STK10: variants seen among roughly 807,000 people sequenced by gnomAD.
STK10 encodes serine/threonine-protein kinase 10.
Under a neutral mutation model 113.8 loss-of-function variants are expected in STK10, and 78 were observed. The observed-to-expected ratio is 0.69, with a 90% CI of 0.57 to 0.83. STK10 has a LOEUF of 0.83. Ranked by LOEUF, STK10 falls within the 40% of genes least tolerant of loss-of-function variation. The probability of loss-of-function intolerance (pLI) is 0.00; values close to 1 mark genes in which losing one functional copy is unlikely to be tolerated. For missense variants in STK10, 1,109 were observed against 1,280.1 expected (o/e 0.87, Z 2.04); for synonymous variants, 465 against 494.7 (o/e 0.94, Z 0.80).
intron 7 of STK10, among the ~76,000 whole-genome samples, chr5:172,100,435 T>C (rs546618032): frequency 1.3e-5 from 2 of 152,276 alleles, no homozygotes; most frequent in Non-Finnish European, 2.9e-5. Flanking sequence ...CTACTTTTCC[T>C]CTATGTGCTT....
rs184205684 is a variant in STK10, at chr5:172,128,163, G to A, written c.322-742C>T. The stretch of plus-strand genomic sequence containing the variant: ...CAGTAGAAAGGTCCTTCCTGACCTC[G>A]TGATCCACCCGCTGCACTCCAGCCT... On this transcript the variant is annotated intron_variant, in intron 2 of 18. Coordinates refer to ENST00000176763, the MANE Select transcript of STK10 (RefSeq NM_005990.4). 3.5e-3 allele frequency among the ~76,000 whole-genome samples: 496 copies of A among 142,552 alleles called. 1 individual carries two copies. Among genetic ancestry groups the A allele is most frequent in the Admixed American group, 6.0e-3 (80 of 13,226 alleles). 93.5% of individuals were successfully genotyped at this position (142,552 alleles called of 152,430 possible).
At chr5:172,143,259 G>A (rs752094208) in intron 2 of STK10, among the ~76,000 whole-genome samples, 3 of 152,144 alleles carry the variant, frequency 2.0e-5, no homozygotes, top group Non-Finnish European at 4.4e-5. Flanking sequence ...CCAGCTACTC[G>A]GGAGGCTGAG....
At chr5:172,138,198 T>G (rs1002957773) in intron 2 of STK10, among the ~76,000 whole-genome samples, 1 of 152,198 alleles carries the variant, frequency 6.6e-6, no homozygotes, top group African/African-American at 2.4e-5. Flanking sequence ...CTTGGCTCAC[T>G]GCAACTTCCG....
chr5:172,070,051 C>G (rs1397169186), intron 12 of STK10, among the ~76,000 whole-genome samples: 2 of 152,054 alleles, frequency 1.3e-5, no homozygotes, highest in East Asian at 3.8e-4. Flanking sequence ...AGTTCAAGAC[C>G]AGCCTGGCCA....
At chr5:172,067,980 C>A (rs1768104597) in intron 12 of STK10, among the ~76,000 whole-genome samples, 1 of 152,164 alleles carries the variant, frequency 6.6e-6, no homozygotes, top group East Asian at 1.9e-4. Context: ...AATAATGACT[C>A]CAGTGACCAT....
At chr5:172,179,173 G>C (rs148350142) in intron 1 of STK10, among the ~76,000 whole-genome samples, 7 of 152,252 alleles carry the variant, frequency 4.6e-5, no homozygotes, top group African/African-American at 1.7e-4. Context: ...TCCTGGGTGA[G>C]AATCAGATGC....
rs188235872 is a variant in STK10, at chr5:172,079,782, G to A, written c.1989+2544C>T. Among the ~76,000 whole-genome samples the A allele has an allele frequency of 2.3e-3, 350 of 152,156 alleles. 1 individual carries two copies. Among genetic ancestry groups the A allele is most frequent in the African/African-American group, 8.2e-3 (341 of 41,516 alleles). Reference sequence around the variant, plus strand: ...TCACCATGTTGGCCAGGCTGGTTTCGAACTCCTGACCTCAAGTGATCCGCC... The same window carrying A: ...TCACCATGTTGGCCAGGCTGGTTTCAAACTCCTGACCTCAAGTGATCCGCC... On this transcript the variant is annotated intron_variant, in intron 12 of 18. Transcript: ENST00000176763.
intron 1 of STK10, among the ~76,000 whole-genome samples, chr5:172,160,659 T>C (rs1418124857): frequency 1.3e-5 from 2 of 152,150 alleles, no homozygotes; most frequent in Non-Finnish European, 2.9e-5. Context: ...ATAACAACTC[T>C]GGAACCTGAC....
At chr5:172,172,935 G>A (rs1424545763) in intron 1 of STK10, among the ~76,000 whole-genome samples, 3 of 151,950 alleles carry the variant, frequency 2.0e-5, no homozygotes, top group Non-Finnish European at 4.4e-5. Context: ...AGTCGAGATC[G>A]CGTCACTGCA....
intron 4 of STK10, among the ~76,000 whole-genome samples, chr5:172,108,452 C>T (rs746257849): frequency 3.9e-5 from 6 of 151,910 alleles, no homozygotes; most frequent in African/African-American, 1.4e-4. Flanking sequence ...CCAGTCTCTA[C>T]TAAAAATACA....
intron 17 of STK10, chr5:172,053,344 C>A (rs1027612576): frequency 3.0e-6 from 1 of 336,226 alleles, no homozygotes; most frequent in African/African-American, 2.1e-5. Flanking sequence ...GGAAGGGAGC[C>A]CTCACCAGAA....
rs890410353 is a variant in STK10 at position 172,055,808 on chromosome 5, A to G, written c.2338-32T>C. 13 of 1,420,708 alleles carry G rather than the reference A, an allele frequency of 9.2e-6. No individual in the cohort carries two copies. The Admixed American group carries it at 1.9e-4, about 21-fold the overall frequency. 88.0% of individuals were successfully genotyped at this position (1,420,708 alleles called of 1,614,324 possible). ...AGGAATATCCAGAGGGGCTGAGGGC[A>G]GCTGCACTCTGGACTCAGAGCGTGG... On this transcript the variant is annotated intron_variant, in intron 15 of 18. Coordinates refer to ENST00000176763, the MANE Select transcript of STK10 (RefSeq NM_005990.4).
At chr5:172,061,414 G>T in intron 13 of STK10, 146 bp from the exon 14 acceptor site, 2 of 1,144,692 alleles carry the variant, frequency 1.7e-6, no homozygotes, top group Non-Finnish European at 2.4e-6. Flanking sequence ...ATTTAAGGGA[G>T]ACTTAGAGAC....
chr5:172,187,026 T>G lies in STK10; in HGVS notation c.156+861A>C, dbSNP rs548119996. Among the ~76,000 whole-genome samples the G allele has an allele frequency of 1.3e-5, 2 of 152,116 alleles. No homozygotes were observed. The highest frequency in any genetic ancestry group is 2.9e-5 in the Non-Finnish European group (2 of 67,970). ...AATTTAACAAGTGGGCGTCTCCCAG[T>G]AAAAATTTTCTTAGGGGAAAGGGGG... On this transcript the variant is annotated intron_variant, in intron 1 of 18. Coordinates refer to ENST00000176763, the MANE Select transcript of STK10 (RefSeq NM_005990.4). The surrounding 1 kb of genome is among the most constrained non-coding windows in gnomAD (Gnocchi z 4.6).
chr5:172,072,038 A>G (rs1456168127), intron 12 of STK10, among the ~76,000 whole-genome samples: 3 of 152,196 alleles, frequency 2.0e-5, no homozygotes, highest in African/African-American at 7.2e-5. Flanking sequence ...GTCCAGTAAT[A>G]TATAAAAAGG....
chr5:172,108,655 T>C (rs908857342), intron 4 of STK10, among the ~76,000 whole-genome samples: 2 of 150,310 alleles, frequency 1.3e-5, no homozygotes, highest in Admixed American at 1.3e-4. Context: ...TGTGGTGGCA[T>C]GTCCCTGCAG....
intron 12 of STK10, among the ~76,000 whole-genome samples, chr5:172,070,368 A>T (rs939147972): frequency 6.6e-6 from 1 of 151,858 alleles, no homozygotes; most frequent in Non-Finnish European, 1.5e-5. Flanking sequence ...ACATTTTAAA[A>T]TTAAACAACA....
intron 2 of STK10, among the ~76,000 whole-genome samples, chr5:172,132,364 G>C (rs923092118): frequency 6.6e-6 from 1 of 151,664 alleles, no homozygotes; most frequent in African/African-American, 2.4e-5. Flanking sequence ...ATTCAACCTA[G>C]GGGCTTTAGT....
chr5:172,160,818 G>T (rs1426990012), intron 1 of STK10, among the ~76,000 whole-genome samples: 1 of 152,170 alleles, frequency 6.6e-6, no homozygotes, highest in Non-Finnish European at 1.5e-5. Flanking sequence ...GTTTAGAGGG[G>T]AAATGTGATT....
Sources: gnomAD v4.1 joint callset for allele counts (sites outside exome capture counted in the v4.1 genomes callset) on GRCh38, gnomAD v4.1.1 for gene constraint, Gnocchi (gnomAD v3.1) non-coding constraint, MANE v1.5 for transcripts, NCBI Gene and HGNC (gene_info 2026-07-23, HGNC 2026-07-21) for gene names.